KCNH5: variants seen among roughly 807,000 people sequenced by gnomAD.
The protein encoded by KCNH5 is voltage-gated delayed rectifier potassium channel KCNH5.
KCNH5 carries 46 observed loss-of-function variants against 96.1 expected under a neutral mutation model. The observed-to-expected ratio is 0.48, with a 90% CI of 0.38 to 0.61. The LOEUF is 0.61. Among genes scored for constraint, KCNH5 ranks in the 20% least tolerant of loss-of-function variants. The pLI is 0.00. For missense variants in KCNH5, 907 were observed against 1,225.8 expected (o/e 0.74, Z 3.88); for synonymous variants, 439 against 449.8 (o/e 0.98, Z 0.30).
intron 8 of KCNH5, among the ~76,000 whole-genome samples, chr14:62,804,232 A>G (rs1412473414): frequency 6.6e-6 from 1 of 152,190 alleles, no homozygotes; most frequent in Non-Finnish European, 1.5e-5. Context: ...TATAGGCAGC[A>G]GCAATCTGCT....
Position 62,699,566 on chromosome 14 carries a change from AT to A in KCNH5, c.*7941del, listed in dbSNP as rs1475007044. ...AGTCCTCCCTGATGAAATACAGTTT[AT>A]TGTGCTGAAACCCAGATTTCTTTTG... On this transcript the variant is annotated 3_prime_UTR_variant, in exon 11 of 11. Transcript: ENST00000322893. 6.6e-6 allele frequency: 1 copy of A among 152,206 alleles called. No individual in the cohort carries two copies. Among genetic ancestry groups the A allele is most frequent in the Non-Finnish European group, 1.5e-5 (1 of 68,028 alleles). 9.4% of individuals were successfully genotyped at this position (152,206 alleles called of 1,614,324 possible).
chr14:62,727,846 G>T (rs953020539), intron 10 of KCNH5, among the ~76,000 whole-genome samples: 1 of 150,510 alleles, frequency 6.6e-6, no homozygotes, highest in South Asian at 2.1e-4. Flanking sequence ...CCAGAAGTAG[G>T]TGAATGCAAA....
chr14:62,944,546 T>C (rs1416011662), intron 7 of KCNH5, among the ~76,000 whole-genome samples: 1 of 152,068 alleles, frequency 6.6e-6, no homozygotes, highest in Admixed American at 6.6e-5. Context: ...CTAGCACATA[T>C]TGGTTTCTAA....
intron 2 of KCNH5, among the ~76,000 whole-genome samples, chr14:63,009,151 T>G (rs1223307021): frequency 2.0e-5 from 3 of 152,074 alleles, no homozygotes; most frequent in East Asian, 1.9e-4. Context: ...AGAAAGAATT[T>G]ATGATATAAC....
intron 7 of KCNH5, among the ~76,000 whole-genome samples, chr14:62,905,357 A>T (rs1889007484): frequency 6.6e-6 from 1 of 152,250 alleles, no homozygotes; most frequent in African/African-American, 2.4e-5. Context: ...CTATGGAAGG[A>T]GAGAAGTATG....
intron 10 of KCNH5, among the ~76,000 whole-genome samples, chr14:62,762,133 G>C (rs990287433): frequency 6.6e-6 from 1 of 152,106 alleles, no homozygotes. Flanking sequence ...CCTGAGCAGA[G>C]CCCAGAGAGT....
chr14:62,707,681 C>T lies in KCNH5; in HGVS notation c.2794G>A (p.Glu932Lys). 1 of 1,594,114 alleles carries T rather than the reference C, an allele frequency of 6.3e-7. No individual in the cohort carries two copies. The highest frequency in any genetic ancestry group is 1.1e-5 in the South Asian group (1 of 90,126). ...QLLSCRMTAL[E>K]KQVAEILKIL... ...TTTAAAATTTCTGCCACCTGCTTTT[C>T]TAGGGCAGTCATTCTGCAGCTGAGC... is the stretch of plus-strand genomic sequence containing the variant. The change falls in exon 11 of 11, where the codon GAA (glutamate) becomes AAA (lysine). Residue 932 changes from glutamate (E) to lysine (K), a missense_variant. Coordinates refer to ENST00000322893, the MANE Select transcript of KCNH5 (RefSeq NM_139318.5).
intron 1 of KCNH5, among the ~76,000 whole-genome samples, chr14:63,039,531 C>T (rs1222914081): frequency 6.6e-6 from 1 of 151,814 alleles, no homozygotes; most frequent in Non-Finnish European, 1.5e-5. Flanking sequence ...GTTGAAGTGG[C>T]TCAATATGAA....
intron 4 of KCNH5, among the ~76,000 whole-genome samples, chr14:62,997,015 C>A (rs938720472): frequency 6.6e-6 from 1 of 151,992 alleles, no homozygotes; most frequent in Non-Finnish European, 1.5e-5. Flanking sequence ...AGATATAGAC[C>A]ATTGTTAGCT....
At chr14:62,909,832 C>G (rs780527676) in intron 7 of KCNH5, among the ~76,000 whole-genome samples, 1 of 152,076 alleles carries the variant, frequency 6.6e-6, no homozygotes, top group African/African-American at 2.4e-5. Flanking sequence ...GAGTACAAAC[C>G]CCCCAAACAC....
intron 10 of KCNH5, among the ~76,000 whole-genome samples, chr14:62,725,335 G>A (rs940652959): frequency 1.4e-4 from 22 of 152,162 alleles, no homozygotes; most frequent in African/African-American, 5.1e-4. Context: ...CTTTTGGGTG[G>A]AAGAACCTCA....
intron 8 of KCNH5, among the ~76,000 whole-genome samples, chr14:62,817,261 A>AATGTATATCATATATATAT (rs1555358284): frequency 1.2e-4 from 17 of 136,726 alleles, no homozygotes; most frequent in Non-Finnish European, 2.3e-4. Flanking sequence ...ATATATATAT[A>AATGTATATCATATATATAT]ATATATATAT....
chr14:63,010,932 T>C (rs1290746363), intron 2 of KCNH5, among the ~76,000 whole-genome samples: 1 of 152,194 alleles, frequency 6.6e-6, no homozygotes, highest in Non-Finnish European at 1.5e-5. Context: ...TAGACTAAAA[T>C]GCAACAAACA....
chr14:63,007,516 T>C (rs1163972052), intron 2 of KCNH5, among the ~76,000 whole-genome samples: 1 of 152,174 alleles, frequency 6.6e-6, no homozygotes, highest in African/African-American at 2.4e-5. Flanking sequence ...TGAGTTTTAC[T>C]ATGATATCAT....
chr14:62,781,292 C>T (rs1484522622), intron 9 of KCNH5, among the ~76,000 whole-genome samples: 1 of 152,134 alleles, frequency 6.6e-6, no homozygotes, highest in Non-Finnish European at 1.5e-5. Context: ...AATAGAATAT[C>T]ACAAGGCAAG....
intron 5 of KCNH5, among the ~76,000 whole-genome samples, chr14:62,982,131 C>T (rs1409699183): frequency 6.6e-6 from 1 of 152,120 alleles, no homozygotes; most frequent in Non-Finnish European, 1.5e-5. Flanking sequence ...GAGATCGAGA[C>T]CATCCTGGCC....
intron 9 of KCNH5, among the ~76,000 whole-genome samples, chr14:62,797,607 C>G (rs1465115322): frequency 6.6e-6 from 1 of 151,988 alleles, no homozygotes; most frequent in African/African-American, 2.4e-5. Flanking sequence ...CTCAAAATAA[C>G]AAAATATTAT....
chr14:63,019,468 G>A (rs186874242), intron 1 of KCNH5, among the ~76,000 whole-genome samples: 2 of 152,014 alleles, frequency 1.3e-5, no homozygotes, highest in Admixed American at 1.3e-4. Flanking sequence ...TAATTAAGAT[G>A]GTGTGGAAAT....
intron 7 of KCNH5, among the ~76,000 whole-genome samples, chr14:62,940,700 A>C (rs2140122978): frequency 6.6e-6 from 1 of 152,334 alleles, no homozygotes; most frequent in South Asian, 2.1e-4. Flanking sequence ...AAAATAGCTA[A>C]GTCCTGCCTC....
Sources: gnomAD v4.1 joint callset for allele counts (sites outside exome capture counted in the v4.1 genomes callset) on GRCh38, gnomAD v4.1.1 for gene constraint, MANE v1.5 for transcripts, NCBI Gene and HGNC (gene_info 2026-07-23, HGNC 2026-07-21) for gene names.